GRIP1: variants seen among roughly 807,000 people sequenced by gnomAD.
GRIP1 encodes the protein glutamate receptor-interacting protein 1.
A neutral mutation model predicts 129.9 loss-of-function variants in GRIP1; 45 were observed. The ratio of observed to expected loss-of-function variants is 0.35; its 90% CI spans 0.27 to 0.44. GRIP1 has a LOEUF of 0.44. GRIP1 is among the 20% of genes least tolerant of loss of function. The probability of loss-of-function intolerance (pLI) is 1.00; values close to 1 mark genes in which losing one functional copy is unlikely to be tolerated. For synonymous variants in GRIP1, 530 were observed against 520.8 expected (o/e 1.02, Z -0.24); for missense variants, 1,196 against 1,396.8 (o/e 0.86, Z 2.29).
chr12:66,511,203 C>T (rs1394084831), intron 7 of GRIP1, among the ~76,000 whole-genome samples: 1 of 152,140 alleles, frequency 6.6e-6, no homozygotes, highest in Non-Finnish European at 1.5e-5. Flanking sequence ...TTCTCTTCTC[C>T]TGTCTGCTGC....
chr12:66,912,594 G>A (rs571791134), intron 1 of GRIP1, among the ~76,000 whole-genome samples: 1 of 151,984 alleles, frequency 6.6e-6, no homozygotes, highest in South Asian at 2.1e-4. Context: ...CTTTATCAAG[G>A]AGTATTAATA....
At chr12:66,748,921 T>C (rs957919302) in intron 1 of GRIP1, among the ~76,000 whole-genome samples, 2 of 152,218 alleles carry the variant, frequency 1.3e-5, no homozygotes, top group Admixed American at 6.5e-5. Context: ...CATTCTTATA[T>C]ACTTTACATG....
At chr12:66,889,026 A>G (rs1185063124) in intron 1 of GRIP1, among the ~76,000 whole-genome samples, 1 of 152,248 alleles carries the variant, frequency 6.6e-6, no homozygotes, top group African/African-American at 2.4e-5. Flanking sequence ...TGAAGCTCTA[A>G]GAAGTTACAT....
rs1555170033 is a variant in GRIP1, at chr12:67,066,888, T to TTATATATATATA, written c.58+2150_58+2161dup. Among the ~76,000 whole-genome samples the TTATATATATATA allele has an allele frequency of 6.5e-3, 820 of 125,564 alleles. 2 individuals carry two copies. The highest frequency in any genetic ancestry group is 0.015 in the South Asian group (53 of 3,626). 82.4% of individuals were successfully genotyped at this position (125,564 alleles called of 152,430 possible). ...TAGGCAGCTCAGTTTAAATATATATTTATATATATATATATATATATATAC... is the reference window on the plus strand; with the variant it reads ...TAGGCAGCTCAGTTTAAATATATATTTATATATATATATATATATATATATATATATATATAC... On this transcript the variant is annotated intron_variant, in intron 1 of 1. Coordinates refer to the GRIP1 transcript ENST00000643019.
At chr12:67,012,487 AG>A (rs992756263) in intron 1 of GRIP1, among the ~76,000 whole-genome samples, 1 of 152,164 alleles carries the variant, frequency 6.6e-6, no homozygotes, top group African/African-American at 2.4e-5. Flanking sequence ...TTCCAATCTT[AG>A]GTTTCTAAGC....
intron 7 of GRIP1, 27 bp downstream of exon 7, chr12:66,515,592 G>T: frequency 6.2e-7 from 1 of 1,602,002 alleles, no homozygotes; most frequent in East Asian, 2.2e-5. Flanking sequence ...GGTGCTTAGA[G>T]ATCACACCCT....
chr12:66,603,219 T>G (rs1210033340), intron 1 of GRIP1, among the ~76,000 whole-genome samples: 1 of 152,032 alleles, frequency 6.6e-6, no homozygotes, highest in Non-Finnish European at 1.5e-5. Context: ...CAATTTCATT[T>G]TAAGAACAAA....
chr12:66,659,694 A>G (rs2033382090), intron 1 of GRIP1, among the ~76,000 whole-genome samples: 1 of 152,216 alleles, frequency 6.6e-6, no homozygotes, highest in South Asian at 2.1e-4. Context: ...TCATTCTGAC[A>G]GTATGTTTTG....
At chr12:66,942,615 G>C (rs2041605005) in intron 1 of GRIP1, among the ~76,000 whole-genome samples, 1 of 152,124 alleles carries the variant, frequency 6.6e-6, no homozygotes, top group Non-Finnish European at 1.5e-5. Context: ...TGGGAGGAAG[G>C]GCGTTTCAGA....
At chr12:66,770,444 T>C (rs1432318204) in intron 1 of GRIP1, among the ~76,000 whole-genome samples, 1 of 152,206 alleles carries the variant, frequency 6.6e-6, no homozygotes, top group Non-Finnish European at 1.5e-5. Context: ...GGGTTATTTC[T>C]GTCAATAAAA....
chr12:66,514,448 C>T (rs1426245402), intron 7 of GRIP1, among the ~76,000 whole-genome samples: 1 of 151,950 alleles, frequency 6.6e-6, no homozygotes, highest in East Asian at 1.9e-4. Context: ...AAATTAATAT[C>T]TAGAAATTAG....
At chr12:66,628,498 C>T (rs1322436010) in intron 1 of GRIP1, among the ~76,000 whole-genome samples, 1 of 152,190 alleles carries the variant, frequency 6.6e-6, no homozygotes, top group Non-Finnish European at 1.5e-5. Flanking sequence ...TCCTCCAGCC[C>T]TTTTAGTCCT....
At chr12:66,819,703 C>T (rs1201103665) in intron 1 of GRIP1, among the ~76,000 whole-genome samples, 1 of 152,186 alleles carries the variant, frequency 6.6e-6, no homozygotes, top group African/African-American at 2.4e-5. Flanking sequence ...TCCAGTTCAG[C>T]ATCTAAGGAG....
intron 1 of GRIP1, among the ~76,000 whole-genome samples, chr12:66,876,240 C>T (rs961998919): frequency 6.6e-6 from 1 of 151,954 alleles, no homozygotes; most frequent in African/African-American, 2.4e-5. Flanking sequence ...TGAATTTTAT[C>T]TCCAGTATAA....
intron 1 of GRIP1, among the ~76,000 whole-genome samples, chr12:66,627,427 T>C (rs549418540): frequency 9.2e-5 from 14 of 152,350 alleles, no homozygotes; most frequent in East Asian, 1.9e-4. Context: ...ACAGTATGTA[T>C]TGAATATTTT....
In GRIP1 at chr12:67,005,963, G is replaced by A. The variant is rs555628901; in HGVS notation, c.58+63087C>T. Among the ~76,000 whole-genome samples, 7 of 152,240 alleles carry A rather than the reference G, an allele frequency of 4.6e-5. No homozygotes were observed. In the East Asian group the frequency reaches 9.7e-4, roughly 21 times the overall value. ...AGGAATCCAATCATCTAATCTGCCC[G>A]TTAAACCTTAAATCTCCATTGCCCT... On this transcript the variant is annotated intron_variant, in intron 1 of 1. Coordinates refer to the GRIP1 transcript ENST00000643019.
chr12:66,390,554 T>C (rs1465038525), intron 19 of GRIP1, among the ~76,000 whole-genome samples: 2 of 152,198 alleles, frequency 1.3e-5, no homozygotes, highest in African/African-American at 4.8e-5. Context: ...AGGTCCTATA[T>C]TCAGTTTGCT....
At chr12:66,383,111 A>G (rs1177574240) in intron 19 of GRIP1, among the ~76,000 whole-genome samples, 1 of 152,118 alleles carries the variant, frequency 6.6e-6, no homozygotes, top group Non-Finnish European at 1.5e-5. Context: ...AGCCTGGCCA[A>G]CATAGCGAAA....
At chr12:66,773,155 C>T (rs912073095) in intron 1 of GRIP1, among the ~76,000 whole-genome samples, 1 of 152,128 alleles carries the variant, frequency 6.6e-6, no homozygotes, top group Admixed American at 6.6e-5. Context: ...CATTTACCTT[C>T]AGGTCAGTGG....
Sources: gnomAD v4.1 joint callset for allele counts (sites outside exome capture counted in the v4.1 genomes callset) on GRCh38, gnomAD v4.1.1 for gene constraint, MANE v1.5 for transcripts, NCBI Gene and HGNC (gene_info 2026-07-23, HGNC 2026-07-21) for gene names.